The following BCL11A variants were observed in gnomAD, a reference collection of about 807,000 sequenced individuals.
The protein encoded by BCL11A is B cell CLL/lymphoma 11A.
In BCL11A, 2 loss-of-function variants were observed where a neutral mutation model predicts 55.9. The observed-to-expected ratio is 0.04, with a 90% CI of 0.01 to 0.11. The LOEUF is 0.11. Ranked by LOEUF, BCL11A falls within the 10% of genes least tolerant of loss-of-function variation. BCL11A has a pLI of 1.00. For missense variants in BCL11A, 817 were observed against 1,137.1 expected, an observed-to-expected ratio of 0.72 and a Z score of 4.05; for synonymous variants, 465 against 473.4, an observed-to-expected ratio of 0.98 and a Z score of 0.23.
At chr2:60,517,042 G>A (rs1232231286) in intron 2 of BCL11A, among the ~76,000 whole-genome samples, 1 of 152,216 alleles carries the variant, frequency 6.6e-6, no homozygotes, top group Non-Finnish European at 1.5e-5. Flanking sequence ...CCCAAAGCTG[G>A]TGATGAGATA....
At chr2:60,487,403 C>T (rs1043002888) in intron 2 of BCL11A, among the ~76,000 whole-genome samples, 2 of 152,088 alleles carry the variant, frequency 1.3e-5, no homozygotes, top group East Asian at 1.9e-4. Context: ...TGGGCAGTTA[C>T]GTTTTCGTCA....
intron 2 of BCL11A, among the ~76,000 whole-genome samples, chr2:60,493,545 A>C (rs1198193960): frequency 6.6e-6 from 1 of 152,118 alleles, no homozygotes; most frequent in Non-Finnish European, 1.5e-5. Context: ...ATGGGAAGAG[A>C]CCCCAAAACA....
At chr2:60,517,139 T>C (rs1009268503) in intron 2 of BCL11A, among the ~76,000 whole-genome samples, 1 of 152,154 alleles carries the variant, frequency 6.6e-6, no homozygotes, top group African/African-American at 2.4e-5. Context: ...TTTCCTGCGA[T>C]TGAGAGGTGT....
intron 1 of BCL11A, among the ~76,000 whole-genome samples, chr2:60,547,643 T>A (rs1307741164): frequency 4.6e-5 from 7 of 152,220 alleles, no homozygotes; most frequent in Admixed American, 4.6e-4. Context: ...AATTTTACAT[T>A]TAATGAACTT....
intron 2 of BCL11A, chr2:60,538,678 G>A (rs920979660): frequency 2.0e-5 from 3 of 150,688 alleles, no homozygotes; most frequent in Admixed American, 6.6e-5. Flanking sequence ...ACAAATGAAG[G>A]TACAGAAGTC....
rs551867080 is a variant in BCL11A at position 60,489,080 on chromosome 2, T to G, written c.386-20247A>C. Among the ~76,000 whole-genome samples, 21 of 152,262 alleles carry G rather than the reference T, an allele frequency of 1.4e-4. No individual in the cohort carries two copies. In the South Asian group the frequency reaches 4.1e-3, roughly 30 times the overall value. Reference sequence around the variant, plus strand: ...CAGCCATACCCAAAACAAATTTATCTTCAAAGAAAAAAAATGCTGTGTGTC... The same window carrying G: ...CAGCCATACCCAAAACAAATTTATCGTCAAAGAAAAAAAATGCTGTGTGTC... On this transcript the variant is annotated intron_variant, in intron 2 of 3. Coordinates refer to ENST00000642384, the MANE Select transcript of BCL11A (RefSeq NM_022893.4).
chr2:60,506,616 G>C (rs894639183), intron 2 of BCL11A, among the ~76,000 whole-genome samples: 1 of 152,214 alleles, frequency 6.6e-6, no homozygotes, highest in Non-Finnish European at 1.5e-5. Context: ...CTGCTTAGAG[G>C]GCTAATGATA....
chr2:60,514,999 C>G (rs569730502), intron 2 of BCL11A, among the ~76,000 whole-genome samples: 1 of 152,306 alleles, frequency 6.6e-6, no homozygotes, highest in African/African-American at 2.4e-5. Context: ...GCCGTTCTCC[C>G]TCTGGTGAGA....
chr2:60,503,012 A>C (rs1679379220), intron 2 of BCL11A, among the ~76,000 whole-genome samples: 1 of 152,122 alleles, frequency 6.6e-6, no homozygotes, highest in South Asian at 2.1e-4. Context: ...GTCTAGGGGG[A>C]TGGCTACTGG....
At chr2:60,479,781 A>T (rs962452151) in intron 2 of BCL11A, among the ~76,000 whole-genome samples, 1 of 152,246 alleles carries the variant, frequency 6.6e-6, no homozygotes. Context: ...TTACATGGCC[A>T]CAAAAATTTG....
chr2:60,481,832 G>A (rs1470250096), intron 2 of BCL11A, among the ~76,000 whole-genome samples: 2 of 152,184 alleles, frequency 1.3e-5, no homozygotes, highest in African/African-American at 4.8e-5. Flanking sequence ...GTCCTGGAAT[G>A]AGCTCAGCAT....
At position 60,546,327 on chromosome 2, in the gene BCL11A, T is replaced by C; in HGVS notation, c.56-27A>G. The stretch of plus-strand genomic sequence containing the variant: ...TGTGGTTGGAGAAACAAAAGCACAA[T>C]TATTAGAGTGCCAGAGAGGACAGAA... On this transcript the variant is annotated intron_variant, in intron 1 of 3. Coordinates refer to ENST00000642384, the MANE Select transcript of BCL11A (RefSeq NM_022893.4). The surrounding 1 kb of genome is among the most constrained non-coding windows in gnomAD (Gnocchi z 4.1). 6.3e-7 allele frequency: 1 copy of C among 1,596,638 alleles called. No homozygotes were observed. Among genetic ancestry groups the C allele is most frequent in the Non-Finnish European group, 8.6e-7 (1 of 1,167,284 alleles).
chr2:60,536,658 T>C (rs906690905), intron 2 of BCL11A: 1 of 152,204 alleles, frequency 6.6e-6, no homozygotes, highest in Non-Finnish European at 1.5e-5. Context: ...CTTCAAGTGA[T>C]TTTCCCTATT....
Position 60,499,481 on chromosome 2 carries a change from G to A in BCL11A, c.386-30648C>T, listed in dbSNP as rs562294650. 9.2e-5 allele frequency among the ~76,000 whole-genome samples: 14 copies of A among 152,290 alleles called. No homozygotes were observed. The East Asian group carries it at 2.1e-3, about 23-fold the overall frequency. Reference sequence around the variant, plus strand: ...TAGATAAAGAGCCTGAGGCCCAATAGGCTGATTGACTTGTCCGGGGCCACC... The same window carrying A: ...TAGATAAAGAGCCTGAGGCCCAATAAGCTGATTGACTTGTCCGGGGCCACC... On this transcript the variant is annotated intron_variant, in intron 2 of 3. Coordinates refer to ENST00000642384, the MANE Select transcript of BCL11A (RefSeq NM_022893.4).
At chr2:60,468,353 G>C (rs1461905192) in intron 3 of BCL11A, among the ~76,000 whole-genome samples, 3 of 152,134 alleles carry the variant, frequency 2.0e-5, no homozygotes, top group Non-Finnish European at 4.4e-5. Context: ...TCTGGCCTTG[G>C]CTAAAGATGT....
chr2:60,458,394 T>C lies in BCL11A; in HGVS notation c.*2010A>G. 1 of 1,023,698 alleles carries C rather than the reference T, an allele frequency of 9.8e-7. No homozygotes were observed. The highest frequency in any genetic ancestry group is 1.2e-6 in the Non-Finnish European group (1 of 852,142). 63.4% of individuals were successfully genotyped at this position (1,023,698 alleles called of 1,614,324 possible). A position where few individuals can be genotyped will look rare whatever the true frequency, so the allele number is the denominator to read the frequency against. ...AAGACAATGGAACCCTAAAATGCAG[T>C]TCCCCCCTAAACATAATGAAGTGTT... is the stretch of plus-strand genomic sequence containing the variant. On this transcript the variant is annotated 3_prime_UTR_variant, in exon 4 of 4. Coordinates refer to ENST00000642384, the MANE Select transcript of BCL11A (RefSeq NM_022893.4).
chr2:60,541,174 A>C (rs930097422), intron 2 of BCL11A, among the ~76,000 whole-genome samples: 1 of 152,206 alleles, frequency 6.6e-6, no homozygotes, highest in South Asian at 2.1e-4. Context: ...CAATCTCCAC[A>C]TCACACACAG....
At position 60,461,418 on chromosome 2, in the gene BCL11A, C is replaced by G; in HGVS notation, c.1494G>C (p.Glu498Asp). Residue 498 changes from glutamate to aspartate, a missense_variant, in exon 4 of 4, where the codon GAG (glutamate) becomes GAC (aspartate). Glu to Asp is a conservative substitution (Grantham distance 45, BLOSUM62 2). Coordinates refer to ENST00000642384, the MANE Select transcript of BCL11A (RefSeq NM_022893.4). ...EEDDEEEEEEEEEEEEELTES... is the reference protein window; with the variant it reads ...EEDDEEEEEEDEEEEEELTES... ...CCGTCAGCTCCTCCTCCTCCTCTTC[C>G]TCCTCTTCTTCCTCTTCCTCGTCGT... 6.2e-7 allele frequency: 1 copy of G among 1,604,908 alleles called. No homozygotes were observed. The highest frequency in any genetic ancestry group is 8.5e-7 in the Non-Finnish European group (1 of 1,178,732).
chr2:60,497,023 C>T lies in BCL11A; in HGVS notation c.386-28190G>A, dbSNP rs1349872163. Among the ~76,000 whole-genome samples the T allele has an allele frequency of 2.0e-5, 3 of 152,228 alleles. No homozygotes were observed. In the East Asian group the frequency reaches 5.8e-4, roughly 29 times the overall value. Reference sequence around the variant, plus strand: ...ATTCCAAAGGGACTATAAGCTCTCACATGGAAGGAAGCAAGATCTCTACTC... The same window carrying T: ...ATTCCAAAGGGACTATAAGCTCTCATATGGAAGGAAGCAAGATCTCTACTC... On this transcript the variant is annotated intron_variant, in intron 2 of 3. Transcript: ENST00000642384.
Sources: allele counts gnomAD v4.1 joint callset (sites outside exome capture counted in the v4.1 genomes callset), GRCh38; gene constraint gnomAD v4.1.1; non-coding constraint Gnocchi (gnomAD v3.1); transcripts MANE v1.5; gene names NCBI Gene and HGNC (gene_info 2026-07-23, HGNC 2026-07-21).